The following SRGAP3 variants were observed in gnomAD, a reference collection of about 807,000 sequenced individuals.
SRGAP3 encodes the protein SLIT-ROBO Rho GTPase-activating protein 3.
In SRGAP3, 39 loss-of-function variants were observed where a neutral mutation model predicts 121.1. The observed-to-expected ratio is 0.32, with a 90% CI of 0.25 to 0.42. SRGAP3 has a LOEUF of 0.42. Among genes scored for constraint, SRGAP3 ranks in the 10% least tolerant of loss-of-function variants. The probability of loss-of-function intolerance (pLI) is 1.00; values close to 1 mark genes in which losing one functional copy is unlikely to be tolerated. For synonymous variants in SRGAP3, 601 were observed against 570.0 expected, an observed-to-expected ratio of 1.05 and a Z score of -0.77; for missense variants, 1,213 against 1,470.6, an observed-to-expected ratio of 0.82 and a Z score of 2.86.
At chr3:9,297,686 A>C (rs1024542533) in intron 3 of SRGAP3, among the ~76,000 whole-genome samples, 2 of 152,120 alleles carry the variant, frequency 1.3e-5, no homozygotes, top group Admixed American at 6.6e-5. Flanking sequence ...ACTTGAGGTC[A>C]GGAGTTCGAG....
At chr3:9,178,794 A>C (rs1951275021) in intron 1 of SRGAP3, among the ~76,000 whole-genome samples, 1 of 152,136 alleles carries the variant, frequency 6.6e-6, no homozygotes, top group Non-Finnish European at 1.5e-5. Context: ...TCAAGGCCCC[A>C]GAAAGAAAAA....
At chr3:9,091,883 A>G (rs1375061258) in intron 3 of SRGAP3, among the ~76,000 whole-genome samples, 1 of 151,478 alleles carries the variant, frequency 6.6e-6, no homozygotes, top group Non-Finnish European at 1.5e-5. Context: ...CCCTTCCCAC[A>G]CTAATTTATG....
chr3:9,305,147 C>T (rs940150291), intron 3 of SRGAP3, among the ~76,000 whole-genome samples: 1 of 152,014 alleles, frequency 6.6e-6, no homozygotes, highest in South Asian at 2.1e-4. Flanking sequence ...AGGAGCAGGC[C>T]CAGAAAGTCT....
chr3:9,213,176 T>C (rs1952504186), intron 1 of SRGAP3, among the ~76,000 whole-genome samples: 1 of 152,180 alleles, frequency 6.6e-6, no homozygotes, highest in Non-Finnish European at 1.5e-5. Flanking sequence ...TAATGGAGTC[T>C]ATTCCCTGTT....
intron 1 of SRGAP3, among the ~76,000 whole-genome samples, chr3:9,234,113 G>C (rs1010042671): frequency 3.3e-5 from 5 of 152,176 alleles, no homozygotes; most frequent in African/African-American, 1.2e-4. Context: ...TGGAGCCCTA[G>C]ATTAGCTGAG....
At chr3:9,148,557 T>C (rs1365181969) in intron 1 of SRGAP3, among the ~76,000 whole-genome samples, 1 of 152,208 alleles carries the variant, frequency 6.6e-6, no homozygotes, top group African/African-American at 2.4e-5. Context: ...TTTCCAATAA[T>C]ACCTTACAAC....
chr3:9,361,622 G>T (rs2030842894), intron 1 of SRGAP3, among the ~76,000 whole-genome samples: 1 of 152,146 alleles, frequency 6.6e-6, no homozygotes, highest in African/African-American at 2.4e-5. Flanking sequence ...GACAGGATGG[G>T]AAGTCGGACA....
At chr3:9,236,199 A>T (rs1953403702) in intron 1 of SRGAP3, 1 of 176,854 alleles carries the variant, frequency 5.7e-6, no homozygotes, top group Admixed American at 6.3e-5. Context: ...GCCTTTCACC[A>T]CCTGGAGAGC....
intron 1 of SRGAP3, among the ~76,000 whole-genome samples, chr3:9,344,048 G>A (rs914997866): frequency 6.6e-6 from 1 of 152,150 alleles, no homozygotes; most frequent in Non-Finnish European, 1.5e-5. Flanking sequence ...GCGTGGGCAC[G>A]GTGTCTCACA....
intron 3 of SRGAP3, among the ~76,000 whole-genome samples, chr3:9,273,001 G>T (rs893782185): frequency 6.6e-6 from 1 of 152,118 alleles, no homozygotes; most frequent in Non-Finnish European, 1.5e-5. Flanking sequence ...TATTGCAGTG[G>T]TTCCCAACCT....
chr3:9,095,736 G>T (rs1000386154), intron 3 of SRGAP3, among the ~76,000 whole-genome samples: 3 of 152,130 alleles, frequency 2.0e-5, no homozygotes, highest in African/African-American at 7.2e-5. Flanking sequence ...AGGAAGCCTT[G>T]ATATCTGATA....
chr3:9,004,129 AT>A (rs1401337170), intron 18 of SRGAP3, among the ~76,000 whole-genome samples: 1 of 152,154 alleles, frequency 6.6e-6, no homozygotes, highest in African/African-American at 2.4e-5. Flanking sequence ...TAAGGAAACA[AT>A]TTCACTTACA....
At chr3:9,071,638 AGG>A (rs1195145663) in intron 4 of SRGAP3, among the ~76,000 whole-genome samples, 4 of 134,082 alleles carry the variant, frequency 3.0e-5, no homozygotes, top group African/African-American at 1.2e-4. Context: ...TGATTCTCAA[AGG>A]TGGATGGATG....
At chr3:9,222,236 T>G (rs1204656788) in intron 1 of SRGAP3, among the ~76,000 whole-genome samples, 6 of 152,242 alleles carry the variant, frequency 3.9e-5, no homozygotes, top group Non-Finnish European at 8.8e-5. Context: ...GCAACCACTG[T>G]GTACCTGTCA....
intron 1 of SRGAP3, among the ~76,000 whole-genome samples, chr3:9,339,860 C>T (rs1955752171): frequency 6.6e-6 from 1 of 152,246 alleles, no homozygotes; most frequent in African/African-American, 2.4e-5. Context: ...CAGGTAAAAT[C>T]CTTATTTCAC....
At chr3:9,195,798 A>G (rs1951896998) in intron 1 of SRGAP3, among the ~76,000 whole-genome samples, 1 of 152,080 alleles carries the variant, frequency 6.6e-6, no homozygotes, top group African/African-American at 2.4e-5. Context: ...TCTACAAAAA[A>G]TAAAAAAATT....
chr3:9,269,728 C>T (rs1330347103), intron 3 of SRGAP3, among the ~76,000 whole-genome samples: 1 of 152,160 alleles, frequency 6.6e-6, no homozygotes, highest in Non-Finnish European at 1.5e-5. Flanking sequence ...GCCAATCAGG[C>T]CATATCTACC....
chr3:9,002,672 A>G (rs1340344124), intron 18 of SRGAP3, among the ~76,000 whole-genome samples: 1 of 152,202 alleles, frequency 6.6e-6, no homozygotes, highest in African/African-American at 2.4e-5. Flanking sequence ...GAAAAGATCA[A>G]TGAAATTGAC....
intron 3 of SRGAP3, among the ~76,000 whole-genome samples, chr3:9,291,599 A>C (rs1954870854): frequency 9.3e-6 from 1 of 107,362 alleles, no homozygotes; most frequent in Non-Finnish European, 1.8e-5. Context: ...TCATGCATCA[A>C]CACCACACAC....
Sources: gnomAD v4.1 joint callset for allele counts (sites outside exome capture counted in the v4.1 genomes callset) on GRCh38, gnomAD v4.1.1 for gene constraint, MANE v1.5 for transcripts, NCBI Gene and HGNC (gene_info 2026-07-23, HGNC 2026-07-21) for gene names.